Variants in ANGPTL2 observed in about 807,000 individuals in gnomAD.
ANGPTL2 encodes angiopoietin-related protein 2.
Under a neutral mutation model 52.8 loss-of-function variants are expected in ANGPTL2, and 25 were observed. The ratio of observed to expected loss-of-function variants is 0.47; its 90% CI spans 0.35 to 0.66. The LOEUF (loss-of-function observed/expected upper bound fraction) is 0.66. Among genes scored for constraint, ANGPTL2 ranks in the 30% least tolerant of loss-of-function variants. The pLI, the probability that ANGPTL2 is intolerant of heterozygous loss-of-function variation, is 0.01. For synonymous variants in ANGPTL2, 276 were observed against 277.4 expected (o/e 1.00, Z 0.05); for missense variants, 546 against 656.9 (o/e 0.83, Z 1.84).
intron 1 of ANGPTL2, among the ~76,000 whole-genome samples, chr9:127,114,163 C>T (rs1308754263): frequency 6.6e-6 from 1 of 152,238 alleles, no homozygotes; most frequent in African/African-American, 2.4e-5. Flanking sequence ...CATGGTGGCC[C>T]CACTTGAGCA....
At chr9:127,092,777 C>T (rs1316845612) in intron 3 of ANGPTL2, among the ~76,000 whole-genome samples, 1 of 151,978 alleles carries the variant, frequency 6.6e-6, no homozygotes, top group Non-Finnish European at 1.5e-5. Flanking sequence ...GAGGAGTCTC[C>T]CGCTCCTAAT....
chr9:127,093,804 CG>C lies in ANGPTL2; in HGVS notation c.939del (p.Gly315AlafsTer43), dbSNP rs2052775237. On this transcript the variant is annotated frameshift_variant, in exon 3 of 5. Transcript: ENST00000373425. LOFTEE classifies it high-confidence loss of function. The stretch of plus-strand genomic sequence containing the variant: ...CGTCTCTGGATGACGGTCCAGCCCC[CG>C]GGGTCGTGTCTCTGGTCGCACCACA... The part of the protein sequence containing the change: ...MQVWCDQRHD[P>X]GGWTVIQRRL... 1 of 1,614,044 alleles carries C rather than the reference CG, an allele frequency of 6.2e-7. No homozygotes were observed. The highest frequency in any genetic ancestry group is 1.3e-5 in the African/African-American group (1 of 75,018).
intron 1 of ANGPTL2, among the ~76,000 whole-genome samples, chr9:127,109,712 A>AG (rs2054608379): frequency 6.6e-6 from 1 of 152,254 alleles, no homozygotes; most frequent in Non-Finnish European, 1.5e-5. Context: ...CTAGGGATAC[A>AG]GCTACCAACA....
Position 127,088,999 on chromosome 9 carries a change from G to A in ANGPTL2, c.1422C>T (p.Gly474=). The A allele has an allele frequency of 2.5e-6, 4 of 1,614,210 alleles. No homozygotes were observed. Among genetic ancestry groups the A allele is most frequent in the Non-Finnish European group, 2.5e-6 (3 of 1,180,046 alleles). Residue 474 remains glycine, a synonymous_variant, in exon 5 of 5, where the codon GGC becomes GGT. Coordinates refer to ENST00000373425, the MANE Select transcript of ANGPTL2 (RefSeq NM_012098.3). ...TCACCACTTTCTTGAGTGAGTAAGA[G>A]CCTCCTCGGAACTCAGCCCAGTAGA... is the stretch of plus-strand genomic sequence containing the variant. ...DGVYWAEFRG[G]SYSLKKVVMM...
At chr9:127,115,122 C>T (rs2055262049) in intron 1 of ANGPTL2, among the ~76,000 whole-genome samples, 1 of 152,162 alleles carries the variant, frequency 6.6e-6, no homozygotes, top group African/African-American at 2.4e-5. Flanking sequence ...CTTAATAGCT[C>T]TATGAGTAGG....
At chr9:127,089,251 G>T (rs2052153643) in intron 4 of ANGPTL2, 113 bp from the exon 5 acceptor site, 1 of 1,141,874 alleles carries the variant, frequency 8.8e-7, no homozygotes, top group Non-Finnish European at 1.3e-6. Flanking sequence ...GAGCAAGAAC[G>T]CTTGAAAGGT....
At chr9:127,089,742 A>C (rs904046650) in intron 4 of ANGPTL2, among the ~76,000 whole-genome samples, 1 of 152,258 alleles carries the variant, frequency 6.6e-6, no homozygotes, top group African/African-American at 2.4e-5. Flanking sequence ...GCATTATCAC[A>C]TCATGCTGAA....
At chr9:127,101,265 G>T (rs1293206247) in intron 2 of ANGPTL2, among the ~76,000 whole-genome samples, 1 of 152,216 alleles carries the variant, frequency 6.6e-6, no homozygotes, top group Non-Finnish European at 1.5e-5. Context: ...CCCTGCACCT[G>T]TGAGAAAGCC....
chr9:127,099,968 C>G (rs1031264748), intron 2 of ANGPTL2, among the ~76,000 whole-genome samples: 3 of 152,130 alleles, frequency 2.0e-5, no homozygotes, highest in Non-Finnish European at 4.4e-5. Context: ...CTTACTGGCT[C>G]TAAAATATGA....
intron 2 of ANGPTL2, among the ~76,000 whole-genome samples, chr9:127,099,278 C>T (rs573252230): frequency 1.3e-5 from 2 of 152,184 alleles, no homozygotes; most frequent in Non-Finnish European, 2.9e-5. Context: ...TTAGTCCATA[C>T]GCAGGCACTA....
chr9:127,097,153 G>A (rs1203993972), intron 2 of ANGPTL2, among the ~76,000 whole-genome samples: 1 of 152,126 alleles, frequency 6.6e-6, no homozygotes, highest in Non-Finnish European at 1.5e-5. Context: ...TCTTTGTCGA[G>A]GTGTAAAACT....
In ANGPTL2 at chr9:127,093,854, T is replaced by C. The variant is rs747290910; in HGVS notation, c.890A>G (p.Glu297Gly). Reference protein sequence around the residue: ...DTSSIYLVKPENTNRLMQVWC... With the variant: ...DTSSIYLVKPGNTNRLMQVWC... ...CACCTGCATGAGGCGGTTGGTGTTC[T>C]CCGGCTTCACCAGGTAGATGGAGCT... The change falls in exon 3 of 5, where the codon GAG becomes GGG. Residue 297 changes from glutamate (E) to glycine (G), a missense_variant. By Grantham distance (98) the Glu-to-Gly change is moderately conservative (BLOSUM62 -2). Transcript: ENST00000373425. 1 of 1,614,138 alleles carries C rather than the reference T, an allele frequency of 6.2e-7. No homozygotes were observed. Among genetic ancestry groups the C allele is most frequent in the Non-Finnish European group, 8.5e-7 (1 of 1,180,024 alleles).
intron 1 of ANGPTL2, among the ~76,000 whole-genome samples, chr9:127,119,359 C>T (rs1244305078): frequency 6.6e-6 from 1 of 152,196 alleles, no homozygotes; most frequent in Non-Finnish European, 1.5e-5. Context: ...GCAACCAAAG[C>T]AGATGTGGCT....
chr9:127,098,611 C>T (rs1367566397), intron 2 of ANGPTL2, among the ~76,000 whole-genome samples: 5 of 152,082 alleles, frequency 3.3e-5, no homozygotes, highest in African/African-American at 4.8e-5. Context: ...GGTCTCAGCC[C>T]GGACCCCACT....
intron 1 of ANGPTL2, among the ~76,000 whole-genome samples, chr9:127,116,748 A>G (rs1392946891): frequency 2.0e-5 from 3 of 152,230 alleles, no homozygotes; most frequent in Non-Finnish European, 2.9e-5. Flanking sequence ...TTCCTCAAAC[A>G]CTGGGACAAC....
intron 4 of ANGPTL2, 37 bp from the exon 5 acceptor site, chr9:127,089,175 G>T (rs1344083278): frequency 6.2e-7 from 1 of 1,608,806 alleles, no homozygotes; most frequent in South Asian, 1.1e-5. Flanking sequence ...TGTCTGGGAG[G>T]AGGCCATTCT....
Position 127,108,392 on chromosome 9 carries a change from C to T in ANGPTL2, c.340G>A (p.Gly114Ser), listed in dbSNP as rs753363927. 2.5e-6 allele frequency: 4 copies of T among 1,608,760 alleles called. No individual in the cohort carries two copies. The highest frequency in any genetic ancestry group is 1.7e-6 in the Non-Finnish European group (2 of 1,178,014). The change falls in exon 2 of 5, where the codon GGC (glycine) becomes AGC (serine). Residue 114 changes from glycine (G) to serine (S), a missense_variant. Physicochemically the swap from Gly to Ser is moderately conservative, Grantham distance 56. This residue lies in a region of ANGPTL2 where 285 missense variants were observed against 295.8 expected (regional missense o/e 0.96). Coordinates refer to ENST00000373425, the MANE Select transcript of ANGPTL2 (RefSeq NM_012098.3). ...AGCTTCACCTCGCTCACAATGCCGC[C>T]GTCCACCTCCACCAGCTGCTGCAGC... ...ETLQQLVEVD[G>S]GIVSEVKLLR...
In ANGPTL2 at chr9:127,108,308, G is replaced by A. The variant is rs747423032; in HGVS notation, c.424C>T (p.Leu142=). 6.2e-7 allele frequency: 1 copy of A among 1,613,896 alleles called. No individual in the cohort carries two copies. The highest frequency in any genetic ancestry group is 8.5e-7 in the Non-Finnish European group (1 of 1,179,928). Reference sequence around the variant, plus strand: ...TCCCGCTTGCGGATGATCTCGTGCAGGAGCTGCATGTAGAGCTGCGTGACC... The same window carrying A: ...TCCCGCTTGCGGATGATCTCGTGCAAGAGCTGCATGTAGAGCTGCGTGACC... ...SRVTQLYMQL[L]HEIIRKRDNA... The change falls in exon 2 of 5, where the codon CTG becomes TTG. Residue 142 remains leucine (L), a synonymous_variant. Coordinates refer to ENST00000373425, the MANE Select transcript of ANGPTL2 (RefSeq NM_012098.3).
rs2052042724 is a variant in ANGPTL2, at chr9:127,088,504, T to C, written c.*435A>G. The C allele has an allele frequency of 5.6e-6, 1 of 178,882 alleles. No homozygotes were observed. Among genetic ancestry groups the C allele is most frequent in the African/African-American group, 2.4e-5 (1 of 42,006 alleles). The allele number at this position is 178,882 out of a possible 1,614,324, so 11.1% of individuals were successfully genotyped here. A position where few individuals can be genotyped will look rare whatever the true frequency, so the allele number is the denominator to read the frequency against. On this transcript the variant is annotated 3_prime_UTR_variant, in exon 5 of 5. Transcript: ENST00000373425. ...CTTCAACATCTGAGAACTGAATATA[T>C]GTGTATTTAGGTATCTAAGGCAAAC...
Sources: gnomAD v4.1 joint callset for allele counts (sites outside exome capture counted in the v4.1 genomes callset) on GRCh38, gnomAD v4.1.1 for gene constraint, gnomAD v4.1.1 regional missense constraint, MANE v1.5 for transcripts, NCBI Gene and HGNC (gene_info 2026-07-23, HGNC 2026-07-21) for gene names.